The following COP1 variants were observed in gnomAD, a reference collection of about 807,000 sequenced individuals.
COP1 encodes COP1 E3 ubiquitin ligase, also known as E3 ubiquitin-protein ligase COP1.
Under a neutral mutation model 101.3 loss-of-function variants are expected in COP1, and 24 were observed. That is an observed-to-expected ratio of 0.24 (90% CI 0.17 to 0.33). The LOEUF is 0.33. COP1 is among the 10% of genes least tolerant of loss of function. The pLI is 1.00. For synonymous variants in COP1, 347 were observed against 341.9 expected, an observed-to-expected ratio of 1.01 and a Z score of -0.17; for missense variants, 663 against 906.2, an observed-to-expected ratio of 0.73 and a Z score of 3.45.
chr1:175,999,063 T>G (rs1475298685), intron 15 of COP1, among the ~76,000 whole-genome samples: 2 of 152,112 alleles, frequency 1.3e-5, no homozygotes, highest in African/African-American at 4.8e-5. Context: ...CTGAGCATTG[T>G]GGACAGTTTT....
chr1:176,154,240 C>T (rs1293123719), intron 5 of COP1, among the ~76,000 whole-genome samples: 2 of 152,084 alleles, frequency 1.3e-5, no homozygotes, highest in Admixed American at 1.3e-4. Flanking sequence ...TTGGTCTGTT[C>T]AGGGATTCAA....
At chr1:176,074,517 C>G (rs144623512) in intron 11 of COP1, among the ~76,000 whole-genome samples, 1 of 152,010 alleles carries the variant, frequency 6.6e-6, no homozygotes, top group Non-Finnish European at 1.5e-5. Context: ...GCATGCAAGA[C>G]GGCCCAACCA....
At chr1:176,061,108 A>G (rs755076595) in intron 11 of COP1, among the ~76,000 whole-genome samples, 5 of 152,238 alleles carry the variant, frequency 3.3e-5, no homozygotes, top group Non-Finnish European at 7.3e-5. Context: ...GCCTAAGAGG[A>G]GACATACAGA....
chr1:176,099,949 T>C (rs1326060800), intron 9 of COP1, among the ~76,000 whole-genome samples: 1 of 152,214 alleles, frequency 6.6e-6, no homozygotes, highest in African/African-American at 2.4e-5. Context: ...CTGGGATTTC[T>C]TGTGGAAGAG....
chr1:176,098,299 A>G (rs948873168), intron 9 of COP1, among the ~76,000 whole-genome samples: 2 of 152,196 alleles, frequency 1.3e-5, no homozygotes, highest in African/African-American at 4.8e-5. Context: ...CCATTATAAT[A>G]TGTAATTGAA....
chr1:175,959,137 C>T (rs577084145), intron 18 of COP1, among the ~76,000 whole-genome samples: 3 of 151,422 alleles, frequency 2.0e-5, no homozygotes, highest in East Asian at 1.9e-4. Flanking sequence ...CTTATTCCAG[C>T]GAATGTAAAG....
intron 8 of COP1, among the ~76,000 whole-genome samples, chr1:176,132,566 C>T (rs530150321): frequency 1.2e-4 from 18 of 144,586 alleles, no homozygotes; most frequent in East Asian, 4.0e-4. Context: ...CACATATGTA[C>T]GTATATATAC....
At position 176,192,153 on chromosome 1, in the gene COP1, ATC is replaced by A. The variant is rs148022687; in HGVS notation, c.408-7463_408-7462del. 1.7e-3 allele frequency among the ~76,000 whole-genome samples: 256 copies of A among 152,230 alleles called. 1 individual carries two copies. Among genetic ancestry groups the A allele is most frequent in the African/African-American group, 5.9e-3 (245 of 41,564 alleles). Reference sequence around the variant, plus strand: ...AGGGAACTACATATGGCCAAGAAGTATCTCTGCTGATTCCTCTTACCCCAATA... The same window carrying A: ...AGGGAACTACATATGGCCAAGAAGTATCTGCTGATTCCTCTTACCCCAATA... On this transcript the variant is annotated intron_variant, in intron 1 of 19. Transcript: ENST00000367669.
chr1:176,099,288 C>A (rs1236639815), intron 9 of COP1, among the ~76,000 whole-genome samples: 1 of 152,114 alleles, frequency 6.6e-6, no homozygotes, highest in African/African-American at 2.4e-5. Context: ...GTGCAGGACT[C>A]ATGAAGAACT....
At chr1:176,068,574 T>C (rs958834952) in intron 11 of COP1, among the ~76,000 whole-genome samples, 1 of 152,226 alleles carries the variant, frequency 6.6e-6, no homozygotes, top group Non-Finnish European at 1.5e-5. Context: ...TTTCATCTTA[T>C]TTAAATATGA....
intron 11 of COP1, among the ~76,000 whole-genome samples, chr1:176,049,065 G>C (rs569039974): frequency 1.5e-4 from 23 of 151,288 alleles, no homozygotes; most frequent in Non-Finnish European, 2.8e-4. Context: ...CCAGCTACTC[G>C]GGAGGCTGAG....
In COP1 at chr1:176,166,627, T is replaced by C. The variant is rs146286437; in HGVS notation, c.566-2736A>G. ...TGGAGTTACTTGAAAAAATGGTTAT[T>C]TTTTTCTTCTTGAAAAACGATATCC... On this transcript the variant is annotated intron_variant, in intron 3 of 19. Coordinates refer to ENST00000367669, the MANE Select transcript of COP1 (RefSeq NM_022457.7). Among the ~76,000 whole-genome samples the C allele has an allele frequency of 9.5e-4, 145 of 152,278 alleles. 1 individual carries two copies. Among genetic ancestry groups the C allele is most frequent in the African/African-American group, 3.1e-3 (129 of 41,552 alleles).
intron 15 of COP1, among the ~76,000 whole-genome samples, chr1:176,020,428 C>T (rs1308819356): frequency 6.6e-6 from 1 of 151,946 alleles, no homozygotes. Flanking sequence ...TGGCTCACAC[C>T]AGCACTTTGG....
intron 11 of COP1, among the ~76,000 whole-genome samples, chr1:176,071,452 G>A (rs1676993894): frequency 6.6e-6 from 1 of 152,026 alleles, no homozygotes; most frequent in African/African-American, 2.4e-5. Flanking sequence ...TCGCTTAACC[G>A]TCTGTGTCCT....
intron 18 of COP1, among the ~76,000 whole-genome samples, chr1:175,949,622 C>T (rs1649624929): frequency 6.6e-6 from 1 of 152,168 alleles, no homozygotes; most frequent in Non-Finnish European, 1.5e-5. Flanking sequence ...AACCTAGTTG[C>T]CATTCAAGGA....
At chr1:176,195,605 A>C (rs1438883910) in intron 1 of COP1, among the ~76,000 whole-genome samples, 1 of 152,206 alleles carries the variant, frequency 6.6e-6, no homozygotes, top group Non-Finnish European at 1.5e-5. Flanking sequence ...GACTAATATC[A>C]TACAAACTAT....
At chr1:176,102,872 C>G (rs1683650690) in intron 9 of COP1, among the ~76,000 whole-genome samples, 1 of 152,126 alleles carries the variant, frequency 6.6e-6, no homozygotes, top group African/African-American at 2.4e-5. Flanking sequence ...GGAATTGACT[C>G]AGTGCAAGAG....
intron 3 of COP1, among the ~76,000 whole-genome samples, chr1:176,169,400 T>C (rs757154576): frequency 1.6e-4 from 24 of 152,116 alleles, no homozygotes; most frequent in Non-Finnish European, 2.8e-4. Flanking sequence ...TCTTAATGCT[T>C]AAGAGGAAAT....
intron 9 of COP1, among the ~76,000 whole-genome samples, chr1:176,111,205 A>T (rs1685227076): frequency 6.6e-6 from 1 of 152,216 alleles, no homozygotes; most frequent in Non-Finnish European, 1.5e-5. Context: ...TAGCTCTGAA[A>T]GTTAGTTAAT....
Sources: allele counts gnomAD v4.1 joint callset (sites outside exome capture counted in the v4.1 genomes callset), GRCh38; gene constraint gnomAD v4.1.1; transcripts MANE v1.5; gene names NCBI Gene and HGNC (gene_info 2026-07-23, HGNC 2026-07-21).